ADGRE1: variants seen among roughly 807,000 people sequenced by gnomAD.
The protein encoded by ADGRE1 is adhesion G protein-coupled receptor E1.
Under a neutral mutation model 102.7 loss-of-function variants are expected in ADGRE1, and 82 were observed. The ratio of observed to expected loss-of-function variants is 0.80; its 90% CI spans 0.67 to 0.96. The LOEUF is 0.96. Ranked by LOEUF, ADGRE1 falls within the 40% of genes least tolerant of loss-of-function variation. ADGRE1 has a pLI of 0.00. For synonymous variants in ADGRE1, 398 were observed against 399.6 expected (o/e 1.00, Z 0.05); for missense variants, 1,032 against 1,085.3 (o/e 0.95, Z 0.69).
At chr19:6,915,162 A>C (rs1974328888) in intron 11 of ADGRE1, among the ~76,000 whole-genome samples, 2 of 152,104 alleles carry the variant, frequency 1.3e-5, no homozygotes, top group South Asian at 4.2e-4. Context: ...GTGCACCACC[A>C]TGCTTGTCTA....
At chr19:6,924,905 C>A (rs1294412892) in intron 15 of ADGRE1, 33 bp downstream of exon 15, 3 of 1,606,168 alleles carry the variant, frequency 1.9e-6, no homozygotes, top group South Asian at 2.2e-5. Flanking sequence ...CCCCACCAAG[C>A]CCCATCTTCT....
At chr19:6,929,756 C>T (rs10404606) in intron 17 of ADGRE1, among the ~76,000 whole-genome samples, 1 of 151,908 alleles carries the variant, frequency 6.6e-6, no homozygotes, top group Non-Finnish European at 1.5e-5. Context: ...CCTGACCTCA[C>T]GTAGTTTGCC....
chr19:6,901,931 A>T lies in ADGRE1; in HGVS notation c.571A>T (p.Thr191Ser). The T allele has an allele frequency of 1.2e-6, 2 of 1,614,164 alleles. No homozygotes were observed. Among genetic ancestry groups the T allele is most frequent in the Non-Finnish European group, 1.7e-6 (2 of 1,180,026 alleles). The part of the protein sequence containing the change: ...ACPEHATCNN[T>S]VGNYSCFCNP... ...CCCAGAGCATGCAACTTGTAATAAC[A>T]CTGTTGGAAACTACTCTTGTTTCTG... is the stretch of plus-strand genomic sequence containing the variant. The change falls in exon 6 of 21, where the codon ACT (threonine) becomes TCT (serine). Residue 191 changes from threonine to serine, a missense_variant. Coordinates refer to ENST00000312053, the MANE Select transcript of ADGRE1 (RefSeq NM_001974.5).
chr19:6,938,188 T>G (rs1975511003), intron 20 of ADGRE1, among the ~76,000 whole-genome samples: 1 of 151,952 alleles, frequency 6.6e-6, no homozygotes. Context: ...AAATACAAAA[T>G]TAGCCGGGCA....
At chr19:6,902,100 G>A (rs1973785220) in intron 6 of ADGRE1, 79 bp downstream of exon 6, 3 of 1,551,498 alleles carry the variant, frequency 1.9e-6, no homozygotes, top group Non-Finnish European at 2.6e-6. Flanking sequence ...GGTGGGTCTT[G>A]GTTGAGTTTG....
At chr19:6,894,666 C>T (rs1367052218) in intron 2 of ADGRE1, among the ~76,000 whole-genome samples, 8 of 152,090 alleles carry the variant, frequency 5.3e-5, no homozygotes. Flanking sequence ...CTAAGGAGAA[C>T]AAAGAGCATT....
intron 12 of ADGRE1, among the ~76,000 whole-genome samples, chr19:6,918,401 A>G (rs145380484): frequency 2.4e-4 from 37 of 152,176 alleles, no homozygotes; most frequent in African/African-American, 8.4e-4. Flanking sequence ...AGAACCTGCC[A>G]TTGCACTCCA....
chr19:6,911,567 T>C (rs1283223145), intron 10 of ADGRE1, among the ~76,000 whole-genome samples: 1 of 151,578 alleles, frequency 6.6e-6, no homozygotes, highest in Non-Finnish European at 1.5e-5. Flanking sequence ...TATCTTCCCC[T>C]ATCTTTTTAC....
intron 18 of ADGRE1, among the ~76,000 whole-genome samples, chr19:6,936,436 C>CAAA (rs543860591): frequency 6.1e-4 from 82 of 134,538 alleles, no homozygotes; most frequent in Middle Eastern, 3.9e-3. Flanking sequence ...ACTCCATCTC[C>CAAA]AAAAAAAAAA....
At chr19:6,909,653 A>G (rs1428119671) in intron 10 of ADGRE1, among the ~76,000 whole-genome samples, 1 of 152,026 alleles carries the variant, frequency 6.6e-6, no homozygotes, top group East Asian at 1.9e-4. Flanking sequence ...ACCATTATCC[A>G]TCTCAAGAAC....
Position 6,924,785 on chromosome 19 carries a change from C to T in ADGRE1, c.1899C>T (p.His633=), listed in dbSNP as rs1207033732. Reference sequence around the variant, plus strand: ...TGCTGTGTCGCTCCATCCGAAATCACAACACCTACCTCCACCTGCACCTCT... The same window carrying T: ...TGCTGTGTCGCTCCATCCGAAATCATAACACCTACCTCCACCTGCACCTCT... ...TFLLCRSIRN[H]NTYLHLHLCV... Residue 633 remains histidine (H), a synonymous_variant, in exon 15 of 21, where the codon CAC becomes CAT. Transcript: ENST00000312053. 1.9e-6 allele frequency: 3 copies of T among 1,614,064 alleles called. No individual in the cohort carries two copies. The highest frequency in any genetic ancestry group is 2.7e-5 in the African/African-American group (2 of 74,926).
intron 16 of ADGRE1, 48 bp downstream of exon 16, chr19:6,926,649 T>A (rs752896916): frequency 6.3e-7 from 1 of 1,581,000 alleles, no homozygotes; most frequent in South Asian, 1.1e-5. Context: ...CCAGGGCTTA[T>A]GGTGATAATG....
Position 6,903,958 on chromosome 19 carries a change from G to C in ADGRE1, c.802+8G>C, listed in dbSNP as rs993235519. On this transcript the variant is annotated splice_region_variant and intron_variant, in intron 7 of 20. Coordinates refer to ENST00000312053, the MANE Select transcript of ADGRE1 (RefSeq NM_001974.5). ...AAGGAGTGGAATGTAGAGGTGAGCA[G>C]AGAGTTTGATGGACAATCCAGAAAA... is the stretch of plus-strand genomic sequence containing the variant. 12 of 1,614,068 alleles carry C rather than the reference G, an allele frequency of 7.4e-6. No individual in the cohort carries two copies. In the African/African-American group the frequency reaches 1.5e-4, roughly 20 times the overall value.
rs779544204 is a variant in ADGRE1, at chr19:6,904,150, G to C, written c.917G>C (p.Gly306Ala). 3.1e-6 allele frequency: 5 copies of C among 1,614,114 alleles called. No individual in the cohort carries two copies. Among genetic ancestry groups the C allele is most frequent in the East Asian group, 2.2e-5 (1 of 44,886 alleles). The change falls in exon 8 of 21, where the codon GGC becomes GCC. Residue 306 changes from glycine to alanine, a missense_variant. Gly to Ala is a moderately conservative substitution (Grantham distance 60, BLOSUM62 0). Transcript: ENST00000312053. Reference protein sequence around the residue: ...CIAGFHPNPEGSQKDGNFSCQ... With the variant: ...CIAGFHPNPEASQKDGNFSCQ... ...GCAGGCTTTCATCCCAATCCAGAAGGCTCCCAGAAAGATGGCAACTTCAGC... is the reference window on the plus strand; with the variant it reads ...GCAGGCTTTCATCCCAATCCAGAAGCCTCCCAGAAAGATGGCAACTTCAGC...
In ADGRE1 at chr19:6,913,834, G is replaced by T; in HGVS notation, c.1300+4G>T. On this transcript the variant is annotated splice_donor_region_variant and intron_variant, in intron 11 of 20. Transcript: ENST00000312053. ...GCTGTTCGGACGGAATACTTAGGTA[G>T]GAGACACCCTTTGTGGCAAGGTTAC... 1 of 1,571,708 alleles carries T rather than the reference G, an allele frequency of 6.4e-7. No individual in the cohort carries two copies. Among genetic ancestry groups the T allele is most frequent in the Non-Finnish European group, 8.7e-7 (1 of 1,154,062 alleles).
intron 3 of ADGRE1, chr19:6,896,802 C>G: frequency 6.1e-6 from 3 of 493,700 alleles, no homozygotes; most frequent in Non-Finnish European, 1.1e-5. Flanking sequence ...CTTGCTACTT[C>G]CCCACCCTTC....
intron 10 of ADGRE1, among the ~76,000 whole-genome samples, chr19:6,911,584 AG>A (rs1480458389): frequency 2.0e-5 from 3 of 151,808 alleles, no homozygotes; most frequent in Admixed American, 1.3e-4. Flanking sequence ...TTACCTTGTA[AG>A]CATGTACACA....
intron 17 of ADGRE1, among the ~76,000 whole-genome samples, chr19:6,934,600 ATT>A (rs71177133): frequency 0.32 from 27,127 of 83,572 alleles, 3,067 homozygotes; most frequent in Middle Eastern, 0.39. Flanking sequence ...TAATTTTTGT[ATT>A]TTTTTTTTTT....
chr19:6,902,573 T>C (rs4807910), intron 6 of ADGRE1, among the ~76,000 whole-genome samples: 55,814 of 151,414 alleles, frequency 0.37, 12,032 homozygotes, highest in African/African-American at 0.6. Flanking sequence ...CCCAAGTAGA[T>C]GGGATTACAG....
Sources: allele counts gnomAD v4.1 joint callset (sites outside exome capture counted in the v4.1 genomes callset), GRCh38; gene constraint gnomAD v4.1.1; transcripts MANE v1.5; gene names NCBI Gene and HGNC (gene_info 2026-07-23, HGNC 2026-07-21).